The following RAB40C variants were observed in gnomAD, a reference collection of about 807,000 sequenced individuals.
RAB40C encodes ras-related protein Rab-40C.
RAB40C carries 8 observed loss-of-function variants against 28.1 expected under a neutral mutation model. That is an observed-to-expected ratio of 0.28 (90% CI 0.17 to 0.51). The LOEUF is 0.51. Ranked by LOEUF, RAB40C falls within the 20% of genes least tolerant of loss-of-function variation. The probability of loss-of-function intolerance (pLI) is 0.97; values close to 1 mark genes in which losing one functional copy is unlikely to be tolerated. For synonymous variants in RAB40C, 201 were observed against 171.7 expected (o/e 1.17, Z -1.34); for missense variants, 288 against 405.9 (o/e 0.71, Z 2.50).
At position 627,943 on chromosome 16, in the gene RAB40C, T is replaced by C. The variant is rs1262232855; in HGVS notation, c.*321T>C. On this transcript the variant is annotated 3_prime_UTR_variant, in exon 6 of 6. Coordinates refer to ENST00000248139, the MANE Select transcript of RAB40C (RefSeq NM_021168.5). ...TATTTATATAGAGAACACTTCACTT[T>C]TTTGTACATTTTTAAGGGGCCTTCA... 5 of 309,440 alleles carry C rather than the reference T, an allele frequency of 1.6e-5. No homozygotes were observed. Among genetic ancestry groups the C allele is most frequent in the Non-Finnish European group, 2.4e-5 (4 of 169,038 alleles). The allele number at this position is 309,440 out of a possible 1,614,324, so 19.2% of individuals were successfully genotyped here.
intron 1 of RAB40C, among the ~76,000 whole-genome samples, chr16:590,856 G>A (rs538212176): frequency 2.0e-4 from 31 of 151,586 alleles, no homozygotes; most frequent in African/African-American, 7.5e-4. Context: ...TCGGGGGAAG[G>A]TGTCGTGGGC....
Position 594,842 on chromosome 16 carries a change from C to G in RAB40C, c.142+4409C>G, listed in dbSNP as rs544630356. 9.1e-4 allele frequency among the ~76,000 whole-genome samples: 129 copies of G among 141,064 alleles called. 1 individual carries two copies. The highest frequency in any genetic ancestry group is 3.2e-3 in the African/African-American group (120 of 37,808). The allele number at this position is 141,064 out of a possible 152,430, so 92.5% of individuals were successfully genotyped here. On this transcript the variant is annotated intron_variant, in intron 1 of 5. Coordinates refer to ENST00000248139, the MANE Select transcript of RAB40C (RefSeq NM_021168.5). ...CCTTTTTTTTTTTTTTTTTTTTAGA[C>G]GAAGTCTTACTCTCTTGCGCAGGCT...
intron 3 of RAB40C, among the ~76,000 whole-genome samples, chr16:619,396 G>C (rs1474934137): frequency 6.6e-6 from 1 of 152,116 alleles, no homozygotes; most frequent in African/African-American, 2.4e-5. Flanking sequence ...TGTGTGTGCA[G>C]GTATGGTGGG....
At chr16:601,815 TAAAAAAAAA>T (rs60094426) in intron 1 of RAB40C, among the ~76,000 whole-genome samples, 4 of 27,198 alleles carry the variant, frequency 1.5e-4, no homozygotes, top group Non-Finnish European at 2.9e-4. Flanking sequence ...CAAAAAAAAG[TAAAAAAAAA>T]AAAAAAAAAA....
Position 601,678 on chromosome 16 carries a change from A to T in RAB40C, c.142+11245A>T, listed in dbSNP as rs912106166. Among the ~76,000 whole-genome samples, 4 of 152,102 alleles carry T rather than the reference A, an allele frequency of 2.6e-5. No homozygotes were observed. In the East Asian group the frequency reaches 7.7e-4, roughly 29 times the overall value. Reference sequence around the variant, plus strand: ...ATGCTTATAAGTTTATCAAATAGTAAAACATCACAACACAGGACCGGGTGC... The same window carrying T: ...ATGCTTATAAGTTTATCAAATAGTATAACATCACAACACAGGACCGGGTGC... On this transcript the variant is annotated intron_variant, in intron 1 of 5. Transcript: ENST00000248139.
chr16:627,522 G>A lies in RAB40C; in HGVS notation c.746G>A (p.Gly249Asp). The A allele has an allele frequency of 6.2e-7, 1 of 1,613,698 alleles. No homozygotes were observed. The highest frequency in any genetic ancestry group is 1.7e-5 in the Admixed American group (1 of 60,024). The stretch of plus-strand genomic sequence containing the variant: ...TACTCCCTGGCCAGCGGGGCCGGGG[G>A]CGGCGGCAGCAAGGGCAACAGCCTC... Reference protein sequence around the residue: ...RSYSLASGAGGGGSKGNSLKR... With the variant: ...RSYSLASGAGDGGSKGNSLKR... The change falls in exon 6 of 6, where the codon GGC (glycine) becomes GAC (aspartate). Residue 249 changes from glycine (G) to aspartate (D), a missense_variant. By Grantham distance (94) the Gly-to-Asp change is moderately conservative (BLOSUM62 -1). Around this residue, in one of 3 missense-constraint regions of RAB40C, gnomAD observed 57 missense variants for 55.3 expected, o/e 1.03. Transcript: ENST00000248139.
intron 1 of RAB40C, among the ~76,000 whole-genome samples, chr16:590,841 T>C (rs924800621): frequency 2.8e-5 from 4 of 140,354 alleles, no homozygotes; most frequent in African/African-American, 1.1e-4. Flanking sequence ...GAAGGTGTCA[T>C]GGGCTCGGGG....
intron 1 of RAB40C, among the ~76,000 whole-genome samples, chr16:592,800 C>T (rs532851363): frequency 1.3e-5 from 2 of 152,368 alleles, no homozygotes; most frequent in South Asian, 2.1e-4. Flanking sequence ...GGCCAGCTCG[C>T]CTACCCAACT....
At chr16:625,616 G>T in intron 4 of RAB40C, 107 bp downstream of exon 4, 13 of 1,193,788 alleles carry the variant, frequency 1.1e-5, no homozygotes, top group Non-Finnish European at 1.4e-5. Flanking sequence ...TGTGGCCCCG[G>T]CTCTGCACCC....
At chr16:614,528 C>T (rs1392215239) in intron 1 of RAB40C, among the ~76,000 whole-genome samples, 3 of 132,506 alleles carry the variant, frequency 2.3e-5, no homozygotes, top group African/African-American at 8.7e-5. Context: ...TACCTCGTCC[C>T]GATGGTGAAC....
At chr16:624,465 G>T (rs1488357312) in intron 3 of RAB40C, 27 of 985,370 alleles carry the variant, frequency 2.7e-5, no homozygotes, top group Non-Finnish European at 2.9e-5. Flanking sequence ...CCTGAGCAAG[G>T]CCTTCGCCCT....
chr16:610,428 A>G lies in RAB40C; in HGVS notation c.143-6780A>G, dbSNP rs2151070869. Among the ~76,000 whole-genome samples, 1 of 152,260 alleles carries G rather than the reference A, an allele frequency of 6.6e-6. No individual in the cohort carries two copies. The highest frequency in any genetic ancestry group is 2.1e-4 in the South Asian group (1 of 4,826). ...GGAGGAGAGCAGGGGGAAGGGTGGC[A>G]GGAGTTGCTGGTGCTGCGTGAGGCC... On this transcript the variant is annotated intron_variant, in intron 1 of 5. Transcript: ENST00000248139. This position sits in a 1 kb window ranked among gnomAD's most constrained non-coding sequence, Gnocchi z 4.6.
At chr16:598,797 A>G (rs1449070318) in intron 1 of RAB40C, among the ~76,000 whole-genome samples, 2 of 152,164 alleles carry the variant, frequency 1.3e-5, no homozygotes, top group Non-Finnish European at 2.9e-5. Context: ...AGTCCTGGAA[A>G]TGGGCAGGTA....
chr16:604,437 C>T (rs1261360247), intron 1 of RAB40C, among the ~76,000 whole-genome samples: 2 of 151,430 alleles, frequency 1.3e-5, no homozygotes, highest in African/African-American at 4.9e-5. Flanking sequence ...GAAGGTGTTT[C>T]TCTAGAATAT....
At position 599,393 on chromosome 16, in the gene RAB40C, C is replaced by T. The variant is rs557515978; in HGVS notation, c.142+8960C>T. Among the ~76,000 whole-genome samples, 20 of 152,334 alleles carry T rather than the reference C, an allele frequency of 1.3e-4. No homozygotes were observed. The South Asian group carries it at 2.9e-3, about 22-fold the overall frequency. On this transcript the variant is annotated intron_variant, in intron 1 of 5. Transcript: ENST00000248139. ...CACCTGATTCCTGCCTGAGAGGAGC[C>T]GCCAGGTCAGCTGATGCCAGCAGGA...
In RAB40C at chr16:625,527, G is replaced by A. The variant is rs750860776; in HGVS notation, c.342+18G>A. On this transcript the variant is annotated intron_variant, in intron 4 of 5. Coordinates refer to ENST00000248139, the MANE Select transcript of RAB40C (RefSeq NM_021168.5). ...TCGATGAGGTAGGCCTGGGTCCGGG[G>A]AGCCCTCCCGGGGAAGGCAGGCTGG... 6.2e-7 allele frequency: 1 copy of A among 1,611,986 alleles called. No homozygotes were observed. Among genetic ancestry groups the A allele is most frequent in the Non-Finnish European group, 8.5e-7 (1 of 1,179,150 alleles).
At chr16:599,027 G>C (rs1264565775) in intron 1 of RAB40C, among the ~76,000 whole-genome samples, 2 of 152,232 alleles carry the variant, frequency 1.3e-5, no homozygotes, top group African/African-American at 4.8e-5. Context: ...GGGCACAGCA[G>C]GTACAGCCTG....
intron 3 of RAB40C, among the ~76,000 whole-genome samples, chr16:623,471 A>C (rs947613355): frequency 1.1e-4 from 16 of 151,896 alleles, no homozygotes; most frequent in African/African-American, 3.9e-4. Flanking sequence ...AACACGGTGA[A>C]ACCCTGTCTC....
intron 1 of RAB40C, among the ~76,000 whole-genome samples, chr16:597,736 G>T (rs999719126): frequency 6.6e-6 from 1 of 151,594 alleles, no homozygotes; most frequent in Non-Finnish European, 1.5e-5. Context: ...CAATCCGCCC[G>T]CCTCAGCTTC....
Sources: gnomAD v4.1 joint callset for allele counts (sites outside exome capture counted in the v4.1 genomes callset) on GRCh38, gnomAD v4.1.1 for gene constraint, gnomAD v4.1.1 regional missense constraint, Gnocchi (gnomAD v3.1) non-coding constraint, MANE v1.5 for transcripts, NCBI Gene and HGNC (gene_info 2026-07-23, HGNC 2026-07-21) for gene names.